TANK: variants seen among roughly 807,000 people sequenced by gnomAD.
TANK encodes TRAF family member-associated NF-kappa-B activator.
In TANK, 15 loss-of-function variants were observed where a neutral mutation model predicts 43.6. The observed-to-expected ratio is 0.34, with a 90% CI of 0.23 to 0.53. The LOEUF is 0.53. Ranked by LOEUF, TANK falls within the 20% of genes least tolerant of loss-of-function variation. The pLI, the probability that TANK is intolerant of heterozygous loss-of-function variation, is 0.94. For missense variants in TANK, 417 were observed against 498.6 expected (o/e 0.84, Z 1.56); for synonymous variants, 162 against 178.2 (o/e 0.91, Z 0.73).
At chr2:161,156,216 A>T, upstream of TANK, 1 of 985,330 alleles carries the variant, frequency 1.0e-6, no homozygotes, top group East Asian at 1.1e-4. Flanking sequence ...CTTTCCAGTC[A>T]TATTTTGGAA....
At chr2:161,190,042 G>A (rs1239023227) in intron 2 of TANK, among the ~76,000 whole-genome samples, 1 of 152,114 alleles carries the variant, frequency 6.6e-6, no homozygotes, top group Non-Finnish European at 1.5e-5. Flanking sequence ...GAGTGAAAAG[G>A]CAACCCACAG....
At chr2:161,137,965 TC>T (rs1683635668) in intron 1 of TANK, 1 of 553,430 alleles carries the variant, frequency 1.8e-6, no homozygotes, top group African/African-American at 2.1e-5. Flanking sequence ...AAACTCCGTC[TC>T]AAAAAAAAAA....
At chr2:161,184,936 T>C (rs1001343976) in intron 2 of TANK, among the ~76,000 whole-genome samples, 2 of 152,176 alleles carry the variant, frequency 1.3e-5, no homozygotes, top group Non-Finnish European at 2.9e-5. Context: ...TATCCTTAAA[T>C]GTGGATAACA....
chr2:161,180,137 TTGGC>T, intron 2 of TANK: 2 of 990,922 alleles, frequency 2.0e-6, no homozygotes, highest in Non-Finnish European at 2.4e-6. Flanking sequence ...ATGTTGTTAT[TTGGC>T]TGACAGGAAA....
At chr2:161,220,087 C>G (rs1687276308) in intron 4 of TANK, among the ~76,000 whole-genome samples, 2 of 152,310 alleles carry the variant, frequency 1.3e-5, no homozygotes, top group Non-Finnish European at 2.9e-5. Flanking sequence ...TGACTACACT[C>G]AGTTGCCTAA....
At chr2:161,228,811 C>A (rs1365862841) in intron 6 of TANK, among the ~76,000 whole-genome samples, 1 of 152,080 alleles carries the variant, frequency 6.6e-6, no homozygotes, top group African/African-American at 2.4e-5. Context: ...TTTTACTGTA[C>A]CTTTTCAGTG....
At chr2:161,222,895 T>A (rs1355345050) in intron 4 of TANK, 1 of 152,154 alleles carries the variant, frequency 6.6e-6, no homozygotes, top group Admixed American at 6.5e-5. Context: ...GGAGAAGATA[T>A]TAATTTTAAG....
At chr2:161,232,716 G>A in intron 7 of TANK, 1 of 1,545,846 alleles carries the variant, frequency 6.5e-7, no homozygotes, top group Non-Finnish European at 8.7e-7. Context: ...TATATGTCTT[G>A]CTTGTTCTTT....
intron 4 of TANK, among the ~76,000 whole-genome samples, chr2:161,209,306 A>G (rs1051583193): frequency 6.6e-6 from 1 of 152,214 alleles, no homozygotes; most frequent in African/African-American, 2.4e-5. Flanking sequence ...AATGCACACA[A>G]TTATTCTTGA....
intron 2 of TANK, among the ~76,000 whole-genome samples, chr2:161,192,451 C>G (rs1286536922): frequency 6.6e-6 from 1 of 152,180 alleles, no homozygotes; most frequent in Non-Finnish European, 1.5e-5. Flanking sequence ...TACCTGGCCT[C>G]TAAATTGTGT....
chr2:161,221,143 A>G (rs1004349806), intron 4 of TANK, among the ~76,000 whole-genome samples: 4 of 152,216 alleles, frequency 2.6e-5, no homozygotes, highest in Admixed American at 1.3e-4. Flanking sequence ...CTGGAAGTGT[A>G]TATGAAAAGT....
intron 2 of TANK, among the ~76,000 whole-genome samples, chr2:161,181,474 A>G (rs991019184): frequency 1.3e-5 from 2 of 152,154 alleles, no homozygotes; most frequent in African/African-American, 4.8e-5. Context: ...TAATTTGTGA[A>G]GAAAAGAGGT....
At chr2:161,143,827 A>T (rs779083033) in intron 1 of TANK, among the ~76,000 whole-genome samples, 2 of 152,228 alleles carry the variant, frequency 1.3e-5, no homozygotes, top group African/African-American at 4.8e-5. Flanking sequence ...TGCTGGCCTC[A>T]TAAAATGAGT....
chr2:161,233,477 T>A (rs1399853678), intron 7 of TANK, among the ~76,000 whole-genome samples: 2 of 152,154 alleles, frequency 1.3e-5, no homozygotes, highest in African/African-American at 2.4e-5. Context: ...AATTTTTGGC[T>A]ACATATTTCA....
chr2:161,201,205 G>A, intron 2 of TANK: 1 of 983,364 alleles, frequency 1.0e-6, no homozygotes, highest in Non-Finnish European at 1.2e-6. Flanking sequence ...ACTTTATTAA[G>A]TAGCTTAAGA....
chr2:161,169,707 G>C (rs1052237074), intron 1 of TANK, among the ~76,000 whole-genome samples: 1 of 152,282 alleles, frequency 6.6e-6, no homozygotes, highest in Admixed American at 6.5e-5. Flanking sequence ...ATATAGGTAC[G>C]TATAGCTCTG....
At chr2:161,212,795 T>C in intron 4 of TANK, 1 of 984,570 alleles carries the variant, frequency 1.0e-6, no homozygotes, top group Non-Finnish European at 1.2e-6. Flanking sequence ...TCTCTAAACC[T>C]TGATAGGTAA....
chr2:161,178,643 A>AGT (rs915517946), intron 1 of TANK, among the ~76,000 whole-genome samples: 1 of 152,160 alleles, frequency 6.6e-6, no homozygotes, highest in Non-Finnish European at 1.5e-5. Flanking sequence ...ACTTTAAAAT[A>AGT]GTGGATTTTA....
intron 2 of TANK, among the ~76,000 whole-genome samples, chr2:161,187,442 C>G (rs1339906754): frequency 6.6e-6 from 1 of 151,758 alleles, no homozygotes; most frequent in Non-Finnish European, 1.5e-5. Flanking sequence ...AATAAAAGAA[C>G]AAAACAACAA....
Sources: gnomAD v4.1 joint callset for allele counts (sites outside exome capture counted in the v4.1 genomes callset) on GRCh38, gnomAD v4.1.1 for gene constraint, MANE v1.5 for transcripts, NCBI Gene and HGNC (gene_info 2026-07-23, HGNC 2026-07-21) for gene names.